Variants in SLC23A2 observed in about 807,000 individuals in gnomAD.
SLC23A2 encodes the protein solute carrier family 23 member 2.
SLC23A2 carries 36 observed loss-of-function variants against 73.3 expected under a neutral mutation model. That is an observed-to-expected ratio of 0.49 (90% CI 0.38 to 0.65). The LOEUF (loss-of-function observed/expected upper bound fraction) is 0.65, where lower values mean the gene tolerates loss of function less well. SLC23A2 is among the 30% of genes least tolerant of loss of function. The probability of loss-of-function intolerance (pLI) is 0.00; values close to 1 mark genes in which losing one functional copy is unlikely to be tolerated. For missense variants in SLC23A2, 507 were observed against 841.6 expected (o/e 0.60, Z 4.92); for synonymous variants, 343 against 327.3 (o/e 1.05, Z -0.52).
Position 4,902,410 on chromosome 20 carries a change from G to C in SLC23A2, c.324+32C>G. The C allele has an allele frequency of 8.5e-7, 1 of 1,174,826 alleles. No individual in the cohort carries two copies. Among genetic ancestry groups the C allele is most frequent in the Non-Finnish European group, 1.2e-6 (1 of 801,406 alleles). The allele number at this position is 1,174,826 out of a possible 1,614,324, so 72.8% of individuals were successfully genotyped here. ...ATGGTAGACAATGCAAACACCTGCT[G>C]GTAGTTACACATCCTACAGGAACCA... is the stretch of plus-strand genomic sequence containing the variant. On this transcript the variant is annotated intron_variant, in intron 5 of 16. Coordinates refer to ENST00000338244, the MANE Select transcript of SLC23A2 (RefSeq NM_005116.6). This position sits in a 1 kb window ranked among gnomAD's most constrained non-coding sequence, Gnocchi z 4.0.
Position 4,869,992 on chromosome 20 carries a change from G to T in SLC23A2, c.1164C>A (p.Val388=). 6.2e-7 allele frequency: 1 copy of T among 1,613,808 alleles called. No individual in the cohort carries two copies. The part of the protein sequence containing the change: ...AGVIGMLSAV[V]ASIIESIGDY... Reference sequence around the variant, plus strand: ...CACCAATAGACTCGATGATGCTGGCGACCACGGCACTGAGCATGCCGATGA... The same window carrying T: ...CACCAATAGACTCGATGATGCTGGCTACCACGGCACTGAGCATGCCGATGA... Residue 388 remains valine, a synonymous_variant, in exon 12 of 17, where the codon GTC becomes GTA. Transcript: ENST00000338244.
chr20:4,920,158 G>C (rs1380747815), intron 3 of SLC23A2, among the ~76,000 whole-genome samples: 1 of 152,202 alleles, frequency 6.6e-6, no homozygotes, highest in Admixed American at 6.5e-5. Context: ...CTACTTGGGA[G>C]ACTGAGGCAG....
intron 2 of SLC23A2, among the ~76,000 whole-genome samples, chr20:4,969,280 G>A (rs997659207): frequency 2.6e-5 from 4 of 151,722 alleles, no homozygotes; most frequent in Non-Finnish European, 1.5e-5. Context: ...ATAGAGACAG[G>A]GTTTCTCCAT....
rs770735737 is a variant in SLC23A2 at position 4,867,892 on chromosome 20, T to G, written c.1251-17A>C. On this transcript the variant is annotated splice_polypyrimidine_tract_variant and intron_variant, in intron 12 of 16. Transcript: ENST00000338244. ...AAAATTCCCCTAAGATGTAAAGGAATGGAGGAAAGAAAATCATTCAATGGG... is the reference window on the plus strand; with the variant it reads ...AAAATTCCCCTAAGATGTAAAGGAAGGGAGGAAAGAAAATCATTCAATGGG... 3.6e-6 allele frequency: 5 copies of G among 1,404,704 alleles called. No individual in the cohort carries two copies. Among genetic ancestry groups the G allele is most frequent in the South Asian group, 3.5e-5 (3 of 86,698 alleles). The allele number at this position is 1,404,704 out of a possible 1,614,324, so 87.0% of individuals were successfully genotyped here.
At chr20:4,934,230 C>T (rs565835516) in intron 2 of SLC23A2, among the ~76,000 whole-genome samples, 1 of 152,202 alleles carries the variant, frequency 6.6e-6, no homozygotes, top group South Asian at 2.1e-4. Flanking sequence ...AGTAATTTTG[C>T]CCTGCAGGGG....
At chr20:4,861,634 A>G (rs926190451) in intron 15 of SLC23A2, among the ~76,000 whole-genome samples, 2 of 152,210 alleles carry the variant, frequency 1.3e-5, no homozygotes, top group African/African-American at 4.8e-5. Flanking sequence ...AAAAAAAATT[A>G]TCTTAATGGA....
At chr20:5,008,460 C>A (rs1454905190) in intron 1 of SLC23A2, among the ~76,000 whole-genome samples, 1 of 152,204 alleles carries the variant, frequency 6.6e-6, no homozygotes, top group Non-Finnish European at 1.5e-5. Flanking sequence ...GCCTCCTCCA[C>A]CCCAGTTCAC....
intron 2 of SLC23A2, among the ~76,000 whole-genome samples, chr20:4,968,744 C>T (rs896543909): frequency 8.1e-5 from 12 of 148,804 alleles, no homozygotes; most frequent in African/African-American, 2.2e-4. Context: ...TTTGAGACGA[C>T]GTCTGTCTCT....
chr20:4,859,154 T>G lies in SLC23A2; in HGVS notation c.1720+135A>C, dbSNP rs948146172. The G allele has an allele frequency of 4.7e-6, 3 of 636,476 alleles. No homozygotes were observed. In the African/African-American group the frequency reaches 5.5e-5, roughly 12 times the overall value. 39.4% of individuals were successfully genotyped at this position (636,476 alleles called of 1,614,324 possible). A position where few individuals can be genotyped will look rare whatever the true frequency, so the allele number is the denominator to read the frequency against. ...GGCTGGGAGTGCCATCACAACTGTT[T>G]TAGAAAACAGTTATAACCAGTGATG... On this transcript the variant is annotated intron_variant, in intron 16 of 16. Transcript: ENST00000338244.
intron 1 of SLC23A2, among the ~76,000 whole-genome samples, chr20:4,979,941 A>G (rs1245707739): frequency 2.0e-5 from 3 of 152,124 alleles, no homozygotes; most frequent in African/African-American, 7.2e-5. Flanking sequence ...GTTATAAATC[A>G]CCAGGAAAGA....
intron 13 of SLC23A2, among the ~76,000 whole-genome samples, chr20:4,864,886 A>G (rs1194114906): frequency 6.6e-6 from 1 of 152,218 alleles, no homozygotes; most frequent in Non-Finnish European, 1.5e-5. Flanking sequence ...TGAAGGGCCA[A>G]ACTGGCCCCA....
Position 4,918,450 on chromosome 20 carries a change from C to T in SLC23A2, c.109-5472G>A, listed in dbSNP as rs1485713210. Reference sequence around the variant, plus strand: ...CATTTGCATTGTATTTACTGAGCAACGGACACATTTCCACACTCAAAGTCA... The same window carrying T: ...CATTTGCATTGTATTTACTGAGCAATGGACACATTTCCACACTCAAAGTCA... On this transcript the variant is annotated intron_variant, in intron 3 of 16. Coordinates refer to ENST00000338244, the MANE Select transcript of SLC23A2 (RefSeq NM_005116.6). Among the ~76,000 whole-genome samples the T allele has an allele frequency of 5.3e-5, 8 of 152,160 alleles. No homozygotes were observed. The South Asian group carries it at 6.2e-4, about 12-fold the overall frequency.
intron 5 of SLC23A2, among the ~76,000 whole-genome samples, chr20:4,900,243 C>T (rs867492928): frequency 1.1e-4 from 16 of 152,236 alleles, no homozygotes; most frequent in South Asian, 6.2e-4. Context: ...TTGGATGAAT[C>T]CATGCCTCAC....
intron 7 of SLC23A2, among the ~76,000 whole-genome samples, 182 bp from the exon 8 acceptor site, chr20:4,885,005 T>C (rs1931040611): frequency 6.6e-6 from 1 of 152,180 alleles, no homozygotes; most frequent in Non-Finnish European, 1.5e-5. Flanking sequence ...CAAATGCTAA[T>C]TTAACCAAAT....
upstream of SLC23A2, among the ~76,000 whole-genome samples, chr20:5,004,691 TAAA>T (rs1475647464): frequency 1.3e-5 from 2 of 151,608 alleles, no homozygotes; most frequent in African/African-American, 2.4e-5. Flanking sequence ...AATAAATAAA[TAAA>T]TAAATTAATT....
chr20:4,897,124 C>T (rs1931563097), intron 6 of SLC23A2, among the ~76,000 whole-genome samples: 1 of 152,212 alleles, frequency 6.6e-6, no homozygotes. Context: ...CCAGGCCCCG[C>T]ACCTGCCACA....
intron 2 of SLC23A2, among the ~76,000 whole-genome samples, chr20:4,952,039 G>A (rs2087210470): frequency 6.9e-6 from 1 of 145,892 alleles, no homozygotes; most frequent in Non-Finnish European, 1.5e-5. Flanking sequence ...GGGAGGCAGA[G>A]GTTGCAGTGA....
chr20:4,891,831 G>GCCTT (rs1931341577), intron 6 of SLC23A2, among the ~76,000 whole-genome samples: 1 of 152,168 alleles, frequency 6.6e-6, no homozygotes, highest in African/African-American at 2.4e-5. Context: ...GCTCACTGTA[G>GCCTT]CCTTGACCTC....
intron 3 of SLC23A2, among the ~76,000 whole-genome samples, chr20:4,917,043 T>C (rs763463802): frequency 1.6e-4 from 25 of 152,242 alleles, no homozygotes; most frequent in Non-Finnish European, 2.6e-4. Context: ...ATTCATTCAT[T>C]CAACAAATTG....
Sources: gnomAD v4.1 joint callset for allele counts (sites outside exome capture counted in the v4.1 genomes callset) on GRCh38, gnomAD v4.1.1 for gene constraint, Gnocchi (gnomAD v3.1) non-coding constraint, MANE v1.5 for transcripts, NCBI Gene and HGNC (gene_info 2026-07-23, HGNC 2026-07-21) for gene names.